The following GRHL2 variants were observed in gnomAD, a reference collection of about 807,000 sequenced individuals.
The protein encoded by GRHL2 is grainyhead like transcription factor 2.
GRHL2 carries 21 observed loss-of-function variants against 83.8 expected under a neutral mutation model. The observed-to-expected ratio is 0.25, with a 90% confidence interval of 0.18 to 0.36. GRHL2 has a LOEUF of 0.36. Among genes scored for constraint, GRHL2 ranks in the 10% least tolerant of loss-of-function variants. The pLI, the probability that GRHL2 is intolerant of heterozygous loss-of-function variation, is 1.00. For synonymous variants in GRHL2, 280 were observed against 278.9 expected (o/e 1.00, Z -0.04); for missense variants, 623 against 781.8 (o/e 0.80, Z 2.42).
intron 1 of GRHL2, among the ~76,000 whole-genome samples, chr8:101,533,351 CTT>C (rs1373889200): frequency 6.6e-6 from 1 of 152,218 alleles, no homozygotes; most frequent in Non-Finnish European, 1.5e-5. Flanking sequence ...CTCCCATTCT[CTT>C]ATTAATATTT....
chr8:101,586,138 G>A (rs549253501), intron 7 of GRHL2, among the ~76,000 whole-genome samples: 3 of 144,510 alleles, frequency 2.1e-5, no homozygotes, highest in East Asian at 2.1e-4. Flanking sequence ...GGACTGCAGT[G>A]GCGCAATCTC....
rs1326292897 is a variant in GRHL2, at chr8:101,608,735, T to TCTCTCACACACACA, written c.1098+9585_1098+9586insTCTCACACACACAC. ...ATTTGCTTTGTCTCTGCTCACTCTC[T>TCTCTCACACACACA]CACACACACACACACACACACACAC... On this transcript the variant is annotated intron_variant, in intron 8 of 15. Coordinates refer to ENST00000646743, the MANE Select transcript of GRHL2 (RefSeq NM_024915.4). Among the ~76,000 whole-genome samples the TCTCTCACACACACA allele has an allele frequency of 5.5e-5, 8 of 144,656 alleles. 1 individual carries two copies. Among genetic ancestry groups the TCTCTCACACACACA allele is most frequent in the African/African-American group, 1.9e-4 (7 of 37,638 alleles). 94.9% of individuals were successfully genotyped at this position (144,656 alleles called of 152,430 possible).
At chr8:101,603,212 G>A (rs1812555552) in intron 8 of GRHL2, among the ~76,000 whole-genome samples, 1 of 152,136 alleles carries the variant, frequency 6.6e-6, no homozygotes, top group Non-Finnish European at 1.5e-5. Context: ...CCATATCAGA[G>A]GAGACCTTCT....
Position 101,669,626 on chromosome 8 carries a change from G to A in GRHL2, c.*2923G>A, listed in dbSNP as rs758464554. ...AAGGTAAATGTAACTTAATAGTTTTGTAAATGGGAGAGGGGGAATCTATAA... is the reference window on the plus strand; with the variant it reads ...AAGGTAAATGTAACTTAATAGTTTTATAAATGGGAGAGGGGGAATCTATAA... On this transcript the variant is annotated 3_prime_UTR_variant, in exon 16 of 16. Transcript: ENST00000646743. 2.0e-5 allele frequency: 3 copies of A among 151,956 alleles called. No homozygotes were observed. Among genetic ancestry groups the A allele is most frequent in the Non-Finnish European group, 4.4e-5 (3 of 67,912 alleles). The allele number at this position is 151,956 out of a possible 1,614,324, so 9.4% of individuals were successfully genotyped here.
chr8:101,659,863 A>G (rs1813880707), intron 14 of GRHL2, among the ~76,000 whole-genome samples: 1 of 152,204 alleles, frequency 6.6e-6, no homozygotes, highest in Admixed American at 6.5e-5. Context: ...GAAACTTTCT[A>G]GTGTTCATTT....
chr8:101,649,445 T>C lies in GRHL2; in HGVS notation c.1644T>C (p.Asp548=). Residue 548 remains aspartate (D), a synonymous_variant, in exon 14 of 16, where the codon GAT becomes GAC. Coordinates refer to ENST00000646743, the MANE Select transcript of GRHL2 (RefSeq NM_024915.4). Reference sequence around the variant, plus strand: ...TGTACGTGAGGAAGGAGACTGACGATGTGTTCGATGCATTGATGTTGAAGT... The same window carrying C: ...TGTACGTGAGGAAGGAGACTGACGACGTGTTCGATGCATTGATGTTGAAGT... The part of the protein sequence containing the change: ...VLLYVRKETD[D]VFDALMLKSP... The C allele has an allele frequency of 6.2e-7, 1 of 1,614,078 alleles. No homozygotes were observed. Among genetic ancestry groups the C allele is most frequent in the Non-Finnish European group, 8.5e-7 (1 of 1,179,984 alleles).
At chr8:101,632,135 T>C in intron 10 of GRHL2, 91 bp from the exon 11 acceptor site, 1 of 1,368,226 alleles carries the variant, frequency 7.3e-7, no homozygotes, top group South Asian at 1.2e-5. Flanking sequence ...GAAAGCTTCA[T>C]ATGAGAAAAT....
chr8:101,541,147 GGTGT>G (rs56763374), intron 1 of GRHL2, among the ~76,000 whole-genome samples: 22,870 of 144,012 alleles, frequency 0.16, 1,817 homozygotes, highest in South Asian at 0.26. Context: ...ACTATTTCAT[GGTGT>G]GTGTGTGTGT....
chr8:101,674,826 C>T, the GRHL2 span, among the ~76,000 whole-genome samples: 10 of 152,074 alleles, frequency 6.6e-5, no homozygotes, highest in South Asian at 2.1e-4. Context: ...ACTGGCAAAA[C>T]GAATCCAGCA....
intron 8 of GRHL2, among the ~76,000 whole-genome samples, chr8:101,610,111 G>A (rs1288085469): frequency 1.3e-5 from 2 of 150,798 alleles, no homozygotes; most frequent in African/African-American, 5.0e-5. Context: ...CAGAGCAGGA[G>A]AAACTGTTGT....
intron 5 of GRHL2, 86 bp downstream of exon 5, chr8:101,570,480 T>C: frequency 8.9e-7 from 1 of 1,126,148 alleles, no homozygotes; most frequent in East Asian, 2.4e-5. Context: ...TAAACCTTTT[T>C]TCTTTGTAAA....
At chr8:101,539,840 A>G (rs1468665894) in intron 1 of GRHL2, among the ~76,000 whole-genome samples, 1 of 152,110 alleles carries the variant, frequency 6.6e-6, no homozygotes, top group African/African-American at 2.4e-5. Flanking sequence ...TTGTCCTGTC[A>G]TTAGGTTAGT....
intron 14 of GRHL2, among the ~76,000 whole-genome samples, chr8:101,657,038 A>G (rs779316761): frequency 6.6e-6 from 1 of 152,148 alleles, no homozygotes; most frequent in African/African-American, 2.4e-5. Flanking sequence ...AAGGTCGCTC[A>G]TGGCCTTAGT....
At chr8:101,541,226 G>A (rs535679873) in intron 1 of GRHL2, among the ~76,000 whole-genome samples, 1 of 150,992 alleles carries the variant, frequency 6.6e-6, no homozygotes, top group East Asian at 2.0e-4. Context: ...ATAGATTGAT[G>A]GGTACATATG....
chr8:101,652,470 GTGTGTGTGGTATGTGTGTA>G (rs879569761), intron 14 of GRHL2, among the ~76,000 whole-genome samples: 1,261 of 83,690 alleles, frequency 0.015, 82 homozygotes, highest in Middle Eastern at 0.038. Context: ...TGTGTGTGGT[GTGTGTGTGGTATGTGTGTA>G]TGTGTGTGGT....
chr8:101,642,270 C>G (rs1172080221), intron 12 of GRHL2, among the ~76,000 whole-genome samples: 1 of 152,144 alleles, frequency 6.6e-6, no homozygotes, highest in Non-Finnish European at 1.5e-5. Flanking sequence ...TTTGAACTCC[C>G]AAAATAAATG....
At chr8:101,542,051 T>C (rs1412048499) in intron 1 of GRHL2, among the ~76,000 whole-genome samples, 14 of 152,240 alleles carry the variant, frequency 9.2e-5, no homozygotes, top group Admixed American at 9.2e-4. Context: ...TACACAGCAT[T>C]ACCTGAATAC....
chr8:101,643,813 C>T (rs1364872793), intron 12 of GRHL2, among the ~76,000 whole-genome samples: 1 of 152,230 alleles, frequency 6.6e-6, no homozygotes, highest in African/African-American at 2.4e-5. Context: ...TCCCCCCAGC[C>T]CCGATCTTGA....
intron 6 of GRHL2, among the ~76,000 whole-genome samples, chr8:101,576,103 G>A (rs1248583889): frequency 6.6e-6 from 1 of 152,226 alleles, no homozygotes; most frequent in Non-Finnish European, 1.5e-5. Flanking sequence ...CACTGTTTCT[G>A]TCCTTGCTAA....
Sources: gnomAD v4.1 joint callset for allele counts (sites outside exome capture counted in the v4.1 genomes callset) on GRCh38, gnomAD v4.1.1 for gene constraint, MANE v1.5 for transcripts, NCBI Gene and HGNC (gene_info 2026-07-23, HGNC 2026-07-21) for gene names.